BCAS3: variants seen among roughly 807,000 people sequenced by gnomAD.
The protein encoded by BCAS3 is BCAS3 microtubule associated cell migration factor, also known as BCAS4/BCAS3 fusion.
A neutral mutation model predicts 116.1 loss-of-function variants in BCAS3; 53 were observed. The ratio of observed to expected loss-of-function variants is 0.46; its 90% CI spans 0.37 to 0.57. BCAS3 has a LOEUF of 0.57. Ranked by LOEUF, BCAS3 falls within the 20% of genes least tolerant of loss-of-function variation. BCAS3 has a pLI of 0.00. For synonymous variants in BCAS3, 391 were observed against 408.2 expected (o/e 0.96, Z 0.51); for missense variants, 917 against 1,165.4 (o/e 0.79, Z 3.10).
In BCAS3 at chr17:61,083,406, T is replaced by G. The variant is rs370099893; in HGVS notation, c.2328-1061T>G. On this transcript the variant is annotated intron_variant, in intron 21 of 23. Transcript: ENST00000407086. This position sits in a 1 kb window ranked among gnomAD's most constrained non-coding sequence, Gnocchi z 4.9. Reference sequence around the variant, plus strand: ...AGTAATGCCTACAAGCAATTAATATTCAGTAAATACTTACTGTATGAATGA... The same window carrying G: ...AGTAATGCCTACAAGCAATTAATATGCAGTAAATACTTACTGTATGAATGA... Among the ~76,000 whole-genome samples, 4 of 152,292 alleles carry G rather than the reference T, an allele frequency of 2.6e-5. No homozygotes were observed. The highest frequency in any genetic ancestry group is 1.9e-4 in the East Asian group (1 of 5,182).
Position 61,228,095 on chromosome 17 carries a change from C to A in BCAS3, c.2426-140232C>A, listed in dbSNP as rs2082464496. 1.3e-5 allele frequency among the ~76,000 whole-genome samples: 2 copies of A among 152,180 alleles called. No homozygotes were observed. The highest frequency in any genetic ancestry group is 4.1e-4 in the South Asian group (2 of 4,836). The stretch of plus-strand genomic sequence containing the variant: ...CACATTCCTGCATACTCCTGCTTCA[C>A]CCTCAAGGCCCAGTAGAAACCAGCA... On this transcript the variant is annotated intron_variant, in intron 22 of 23. Transcript: ENST00000407086. The surrounding 1 kb of genome is among the most constrained non-coding windows in gnomAD (Gnocchi z 5.0).
intron 7 of BCAS3, among the ~76,000 whole-genome samples, chr17:60,819,239 C>T (rs772351579): frequency 7.9e-5 from 12 of 151,976 alleles, no homozygotes; most frequent in East Asian, 1.9e-4. Flanking sequence ...GCAAAGGGCC[C>T]GGAACATTAC....
In BCAS3 at chr17:61,348,708, A is replaced by G. The variant is rs1602938656; in HGVS notation, c.2426-19619A>G. 1.3e-5 allele frequency among the ~76,000 whole-genome samples: 2 copies of G among 151,414 alleles called. No homozygotes were observed. The highest frequency in any genetic ancestry group is 6.6e-5 in the Admixed American group (1 of 15,226). On this transcript the variant is annotated intron_variant, in intron 22 of 23. Coordinates refer to ENST00000407086, the MANE Select transcript of BCAS3 (RefSeq NM_017679.5). The surrounding 1 kb of genome is among the most constrained non-coding windows in gnomAD (Gnocchi z 4.5). Reference sequence around the variant, plus strand: ...TCATTGTACCTAAGCTGCCATGATCATGGGAGGACAGTCACGTGCTTCTTG... The same window carrying G: ...TCATTGTACCTAAGCTGCCATGATCGTGGGAGGACAGTCACGTGCTTCTTG...
chr17:61,110,598 A>G (rs1314550141), intron 22 of BCAS3, among the ~76,000 whole-genome samples: 1 of 152,214 alleles, frequency 6.6e-6, no homozygotes, highest in African/African-American at 2.4e-5. Flanking sequence ...TCCTACGCCC[A>G]CGGAGTCTCG....
chr17:61,085,135 G>A (rs2072978197), intron 22 of BCAS3, among the ~76,000 whole-genome samples: 1 of 152,100 alleles, frequency 6.6e-6, no homozygotes, highest in South Asian at 2.1e-4. Flanking sequence ...GGTGATCGTT[G>A]CTCCATTAGT....
intron 15 of BCAS3, among the ~76,000 whole-genome samples, chr17:61,015,314 G>A (rs2065379023): frequency 6.6e-6 from 1 of 152,144 alleles, no homozygotes. Flanking sequence ...TTAGAGACAG[G>A]GTCTCTCTAA....
At position 61,278,367 on chromosome 17, in the gene BCAS3, G is replaced by C. The variant is rs1342594911; in HGVS notation, c.2426-89960G>C. Among the ~76,000 whole-genome samples the C allele has an allele frequency of 6.6e-6, 1 of 152,084 alleles. No individual in the cohort carries two copies. The highest frequency in any genetic ancestry group is 1.5e-5 in the Non-Finnish European group (1 of 68,014). ...ATTTTTGTGTTTTTTGTAGAGACAGGGTTTCGCCATGTTCCCAGGCTTATC... is the reference window on the plus strand; with the variant it reads ...ATTTTTGTGTTTTTTGTAGAGACAGCGTTTCGCCATGTTCCCAGGCTTATC... On this transcript the variant is annotated intron_variant, in intron 22 of 23. Transcript: ENST00000407086. This position sits in a 1 kb window ranked among gnomAD's most constrained non-coding sequence, Gnocchi z 5.8.
intron 22 of BCAS3, among the ~76,000 whole-genome samples, chr17:61,336,655 A>T (rs2056746921): frequency 6.6e-6 from 1 of 152,058 alleles, no homozygotes; most frequent in African/African-American, 2.4e-5. Context: ...GCTTCATTTC[A>T]TTCATCCACA....
At chr17:60,950,413 C>A (rs1246051774) in intron 14 of BCAS3, among the ~76,000 whole-genome samples, 1 of 152,104 alleles carries the variant, frequency 6.6e-6, no homozygotes, top group Non-Finnish European at 1.5e-5. Flanking sequence ...ATTTTTGAGA[C>A]AGTTGGAGAA....
At chr17:60,814,293 G>GTT (rs2049122548) in intron 7 of BCAS3, among the ~76,000 whole-genome samples, 1 of 137,288 alleles carries the variant, frequency 7.3e-6, no homozygotes, top group African/African-American at 3.5e-5. Flanking sequence ...GTGTGTGTGT[G>GTT]TGTGTGTGTG....
At chr17:61,011,314 G>A (rs2065100253) in intron 15 of BCAS3, among the ~76,000 whole-genome samples, 1 of 152,020 alleles carries the variant, frequency 6.6e-6, no homozygotes, top group South Asian at 2.1e-4. Flanking sequence ...GACACTGCAG[G>A]TTTCTTCCTG....
intron 23 of BCAS3, among the ~76,000 whole-genome samples, chr17:61,371,274 A>G (rs929258383): frequency 1.3e-5 from 2 of 152,150 alleles, no homozygotes; most frequent in African/African-American, 4.8e-5. Flanking sequence ...ATTATGGCCA[A>G]TTTCAACCTG....
chr17:60,718,923 A>G (rs923948154), intron 5 of BCAS3, among the ~76,000 whole-genome samples: 4 of 152,042 alleles, frequency 2.6e-5, no homozygotes, highest in African/African-American at 9.7e-5. Flanking sequence ...TTAGCCAGGC[A>G]TGGTGACAGG....
At chr17:60,974,650 G>C in intron 14 of BCAS3, among the ~76,000 whole-genome samples, 1 of 152,100 alleles carries the variant, frequency 6.6e-6, no homozygotes, top group East Asian at 1.9e-4. Context: ...ATTATAATGA[G>C]AAATGTGAGA....
rs558232149 is a variant in BCAS3, at chr17:61,180,311, T to C, written c.2425+95747T>C. ...TGTATTATTTCACTTAAAAAAATCT[T>C]GGAAGATAAACCAAGACAGGAAAAT... is the stretch of plus-strand genomic sequence containing the variant. On this transcript the variant is annotated intron_variant, in intron 22 of 23. Coordinates refer to ENST00000407086, the MANE Select transcript of BCAS3 (RefSeq NM_017679.5). The surrounding 1 kb of genome is among the most constrained non-coding windows in gnomAD (Gnocchi z 6.0). Among the ~76,000 whole-genome samples the C allele has an allele frequency of 5.9e-5, 9 of 152,284 alleles. No individual in the cohort carries two copies. The highest frequency in any genetic ancestry group is 4.1e-4 in the South Asian group (2 of 4,820).
chr17:60,739,363 T>A (rs572871380), intron 5 of BCAS3, among the ~76,000 whole-genome samples: 1 of 152,332 alleles, frequency 6.6e-6, no homozygotes, highest in South Asian at 2.1e-4. Context: ...CTCATGCCTG[T>A]AATCCCAGCA....
rs887823239 is a variant in BCAS3 at position 61,276,507 on chromosome 17, A to G, written c.2426-91820A>G. Among the ~76,000 whole-genome samples, 75 of 152,340 alleles carry G rather than the reference A, an allele frequency of 4.9e-4. No individual in the cohort carries two copies. Among genetic ancestry groups the G allele is most frequent in the Admixed American group, 1.3e-3 (20 of 15,302 alleles). The stretch of plus-strand genomic sequence containing the variant: ...AATTTAACCGAAGTAAAAATTTTAT[A>G]AACTACAAATCACTGGGAGAAATTA... On this transcript the variant is annotated intron_variant, in intron 22 of 23. Coordinates refer to ENST00000407086, the MANE Select transcript of BCAS3 (RefSeq NM_017679.5). This position sits in a 1 kb window ranked among gnomAD's most constrained non-coding sequence, Gnocchi z 4.2.
intron 6 of BCAS3, among the ~76,000 whole-genome samples, chr17:60,760,823 C>G (rs1278455626): frequency 6.6e-6 from 1 of 152,148 alleles, no homozygotes; most frequent in Admixed American, 6.5e-5. Flanking sequence ...ATTCTATCTT[C>G]ATCCTTATGG....
chr17:60,948,981 A>G (rs2145254972), intron 14 of BCAS3, among the ~76,000 whole-genome samples: 1 of 151,626 alleles, frequency 6.6e-6, no homozygotes, highest in East Asian at 2.0e-4. Flanking sequence ...GGTTCAAGCA[A>G]TTCTCCTACC....
Sources: gnomAD v4.1 joint callset for allele counts (sites outside exome capture counted in the v4.1 genomes callset) on GRCh38, gnomAD v4.1.1 for gene constraint, Gnocchi (gnomAD v3.1) non-coding constraint, MANE v1.5 for transcripts, NCBI Gene and HGNC (gene_info 2026-07-23, HGNC 2026-07-21) for gene names.